The following CCDC88A variants were observed in gnomAD, a reference collection of about 807,000 sequenced individuals.
CCDC88A encodes girdin.
Under a neutral mutation model 234.3 loss-of-function variants are expected in CCDC88A, and 54 were observed. The observed-to-expected ratio is 0.23, with a 90% CI of 0.19 to 0.29. CCDC88A has a LOEUF of 0.29. Among genes scored for constraint, CCDC88A ranks in the 10% least tolerant of loss-of-function variants. CCDC88A has a pLI of 1.00. For missense variants in CCDC88A, 1,832 were observed against 2,123.4 expected, an observed-to-expected ratio of 0.86 and a Z score of 2.70; for synonymous variants, 753 against 737.8, an observed-to-expected ratio of 1.02 and a Z score of -0.33.
Position 55,290,165 on chromosome 2 carries a change from C to G in CCDC88A, c.*1035G>C, listed in dbSNP as rs1166935433. 6.6e-6 allele frequency: 1 copy of G among 152,276 alleles called. No individual in the cohort carries two copies. Among genetic ancestry groups the G allele is most frequent in the Non-Finnish European group, 1.5e-5 (1 of 67,904 alleles). The allele number at this position is 152,276 out of a possible 1,614,324, so 9.4% of individuals were successfully genotyped here. On this transcript the variant is annotated 3_prime_UTR_variant, in exon 33 of 33. Coordinates refer to ENST00000436346, the MANE Select transcript of CCDC88A (RefSeq NM_001365480.1). ...AGGTAACAAATGCATACAAATATTTCAAAAGTACCAATAACAGTTATCAAC... is the reference window on the plus strand; with the variant it reads ...AGGTAACAAATGCATACAAATATTTGAAAAGTACCAATAACAGTTATCAAC...
chr2:55,371,978 A>G (rs1672916632), intron 5 of CCDC88A, among the ~76,000 whole-genome samples: 1 of 152,194 alleles, frequency 6.6e-6, no homozygotes, highest in African/African-American at 2.4e-5. Context: ...TTGATCAAAG[A>G]GCAATATAAT....
chr2:55,376,855 G>A (rs937233244), intron 3 of CCDC88A, among the ~76,000 whole-genome samples: 20 of 151,856 alleles, frequency 1.3e-4, no homozygotes, highest in African/African-American at 3.6e-4. Context: ...TTTTTGAGAC[G>A]GAGTCTCGCT....
chr2:55,291,623 T>C (rs530313960), intron 32 of CCDC88A, 53 bp downstream of exon 32: 4 of 742,786 alleles, frequency 5.4e-6, no homozygotes, highest in Non-Finnish European at 9.0e-6. Context: ...CTTAATTTGG[T>C]TAGTTTGTAT....
Position 55,332,757 on chromosome 2 carries a change from G to A in CCDC88A, c.2728-64C>T, listed in dbSNP as rs1010838063. 6.2e-6 allele frequency: 9 copies of A among 1,441,850 alleles called. No homozygotes were observed. The African/African-American group carries it at 1.3e-4, about 20-fold the overall frequency. 89.3% of individuals were successfully genotyped at this position (1,441,850 alleles called of 1,614,324 possible). The stretch of plus-strand genomic sequence containing the variant: ...AGGGTATAAACATCTAAGAAAGTCA[G>A]CTAAGATTCTAATTACCACCATCTA... On this transcript the variant is annotated intron_variant, in intron 15 of 32. Coordinates refer to ENST00000436346, the MANE Select transcript of CCDC88A (RefSeq NM_001365480.1). The surrounding 1 kb of genome is among the most constrained non-coding windows in gnomAD (Gnocchi z 4.5).
chr2:55,357,886 C>G lies in CCDC88A; in HGVS notation c.628-2135G>C, dbSNP rs115453948. 6.3e-3 allele frequency among the ~76,000 whole-genome samples: 954 copies of G among 152,242 alleles called. 7 individuals carry two copies. The highest frequency in any genetic ancestry group is 0.01 in the Admixed American group (159 of 15,284). Reference sequence around the variant, plus strand: ...CTCCCATTTTTCTCCCTACTAATTTCATGTCCACTCCTTATTCAATACATA... The same window carrying G: ...CTCCCATTTTTCTCCCTACTAATTTGATGTCCACTCCTTATTCAATACATA... On this transcript the variant is annotated intron_variant, in intron 7 of 32. Transcript: ENST00000436346.
chr2:55,347,611 T>A (rs1669324390), intron 9 of CCDC88A, among the ~76,000 whole-genome samples: 1 of 135,520 alleles, frequency 7.4e-6, no homozygotes, highest in Admixed American at 7.2e-5. Context: ...TCTACCTTTT[T>A]TTTTTTTTTT....
intron 2 of CCDC88A, among the ~76,000 whole-genome samples, chr2:55,396,667 G>A (rs772621025): frequency 3.3e-5 from 5 of 152,094 alleles, no homozygotes; most frequent in South Asian, 2.1e-4. Flanking sequence ...TCTGGAGATC[G>A]AGACCATCCT....
chr2:55,376,211 G>C (rs1245934932), intron 3 of CCDC88A, among the ~76,000 whole-genome samples: 1 of 152,172 alleles, frequency 6.6e-6, no homozygotes, highest in Non-Finnish European at 1.5e-5. Flanking sequence ...GGATGAATTA[G>C]ACTACAGGAT....
At position 55,296,495 on chromosome 2, in the gene CCDC88A, T is replaced by C; in HGVS notation, c.4854A>G (p.Pro1618=). ...TAAATTCTCCACTGCTGTGGCTTTG[T>C]GGCCTGCTTTGGTTATTAACTGCAC... ...KAGAVNNQSR[P]QSHSSGEFSL... Residue 1618 remains proline (P), a synonymous_variant, in exon 30 of 33, where the codon CCA becomes CCG. Coordinates refer to ENST00000436346, the MANE Select transcript of CCDC88A (RefSeq NM_001365480.1). 2 of 1,614,206 alleles carry C rather than the reference T, an allele frequency of 1.2e-6. No homozygotes were observed. Among genetic ancestry groups the C allele is most frequent in the Non-Finnish European group, 1.7e-6 (2 of 1,180,020 alleles).
rs550155384 is a variant in CCDC88A at position 55,328,027 on chromosome 2, C to G, written c.2997+267G>C. Among the ~76,000 whole-genome samples, 1 of 152,064 alleles carries G rather than the reference C, an allele frequency of 6.6e-6. No homozygotes were observed. The highest frequency in any genetic ancestry group is 1.5e-5 in the Non-Finnish European group (1 of 67,994). On this transcript the variant is annotated intron_variant, in intron 17 of 32. Transcript: ENST00000436346. This position sits in a 1 kb window ranked among gnomAD's most constrained non-coding sequence, Gnocchi z 4.3. ...TGAGAGCTTTTCCCAATAAAATAAGCCTGCCTCTTCCTCATTCCACCCACA... is the reference window on the plus strand; with the variant it reads ...TGAGAGCTTTTCCCAATAAAATAAGGCTGCCTCTTCCTCATTCCACCCACA...
At chr2:55,296,225 A>T in intron 30 of CCDC88A, 33 bp downstream of exon 30, 1 of 1,579,068 alleles carries the variant, frequency 6.3e-7, no homozygotes, top group Non-Finnish European at 8.6e-7. Context: ...TGTGGTGTTC[A>T]TCTAAATTAA....
Position 55,341,484 on chromosome 2 carries a change from A to C in CCDC88A, c.1334-1836T>G, listed in dbSNP as rs142085537. 3.0e-3 allele frequency among the ~76,000 whole-genome samples: 433 copies of C among 145,294 alleles called. 3 individuals carry two copies. Among genetic ancestry groups the C allele is most frequent in the African/African-American group, 9.3e-3 (364 of 38,976 alleles). ...TTCTGGGACAGAGTCTCACTGTGTC[A>C]CCTAGGCTGGAGTGCAATAGGATGA... is the stretch of plus-strand genomic sequence containing the variant. On this transcript the variant is annotated intron_variant, in intron 12 of 32. Transcript: ENST00000436346.
At chr2:55,325,731 G>A (rs1310312578) in intron 17 of CCDC88A, among the ~76,000 whole-genome samples, 2 of 152,064 alleles carry the variant, frequency 1.3e-5, no homozygotes, top group African/African-American at 4.8e-5. Flanking sequence ...CTGTAATTGT[G>A]GATTTTTCTC....
intron 5 of CCDC88A, among the ~76,000 whole-genome samples, chr2:55,366,565 AC>A (rs1234946604): frequency 6.0e-5 from 9 of 151,120 alleles, no homozygotes; most frequent in Non-Finnish European, 1.2e-4. Context: ...ACACACACAC[AC>A]ACACACACAC....
chr2:55,344,046 T>G (rs1396924853), intron 11 of CCDC88A: 1 of 379,816 alleles, frequency 2.6e-6, no homozygotes, highest in Non-Finnish European at 4.6e-6. Context: ...GTTTTAGTGA[T>G]ACAACAAAAG....
intron 3 of CCDC88A, among the ~76,000 whole-genome samples, chr2:55,375,468 ACTATATATATATATAT>A (rs1558768253): frequency 1.5e-5 from 2 of 129,718 alleles, no homozygotes; most frequent in African/African-American, 6.2e-5. Flanking sequence ...CTGTCACTGT[ACTATATATATATATAT>A]ATATATATAT....
At chr2:55,411,302 A>C (rs1293176535) in intron 2 of CCDC88A, among the ~76,000 whole-genome samples, 1 of 152,194 alleles carries the variant, frequency 6.6e-6, no homozygotes, top group Non-Finnish European at 1.5e-5. Flanking sequence ...ATATATATTA[A>C]GAGAAAATTT....
rs181999645 is a variant in CCDC88A at position 55,378,371 on chromosome 2, T to C, written c.274-3488A>G. 3.2e-3 allele frequency among the ~76,000 whole-genome samples: 494 copies of C among 152,330 alleles called. 2 individuals are homozygous for C. Among genetic ancestry groups the C allele is most frequent in the Non-Finnish European group, 5.6e-3 (380 of 68,032 alleles). ...GCAAATTGCTAAATTCAAACTTACC[T>C]CCATATCATCTAAAAATGTACTCTA... is the stretch of plus-strand genomic sequence containing the variant. On this transcript the variant is annotated intron_variant, in intron 3 of 32. Transcript: ENST00000436346.
At chr2:55,341,234 C>A (rs1668451214) in intron 12 of CCDC88A, among the ~76,000 whole-genome samples, 1 of 149,568 alleles carries the variant, frequency 6.7e-6, no homozygotes, top group Non-Finnish European at 1.5e-5. Context: ...CAACCTCTGC[C>A]TCTCGGGTTC....
Sources: gnomAD v4.1 joint callset for allele counts (sites outside exome capture counted in the v4.1 genomes callset) on GRCh38, gnomAD v4.1.1 for gene constraint, Gnocchi (gnomAD v3.1) non-coding constraint, MANE v1.5 for transcripts, NCBI Gene and HGNC (gene_info 2026-07-23, HGNC 2026-07-21) for gene names.